Variants in SHISA9 observed in about 807,000 individuals in gnomAD.
SHISA9 encodes shisa family member 9.
A neutral mutation model predicts 38.0 loss-of-function variants in SHISA9; 13 were observed. The ratio of observed to expected loss-of-function variants is 0.34; its 90% CI spans 0.22 to 0.54. The LOEUF (loss-of-function observed/expected upper bound fraction) is 0.54, where lower values mean the gene tolerates loss of function less well. SHISA9 is among the 20% of genes least tolerant of loss of function. SHISA9 has a pLI of 0.91. For synonymous variants in SHISA9, 275 were observed against 242.0 expected (o/e 1.14, Z -1.27); for missense variants, 538 against 575.8 (o/e 0.93, Z 0.67).
chr16:13,124,438 G>C (rs2050239423), intron 2 of SHISA9, among the ~76,000 whole-genome samples: 1 of 152,168 alleles, frequency 6.6e-6, no homozygotes, highest in Admixed American at 6.5e-5. Flanking sequence ...GGACCTGTTA[G>C]AGTATGAAGC....
In SHISA9 at chr16:13,008,674, CCTCCCTCT is replaced by C. The variant is rs1567179973; in HGVS notation, c.691+91863_691+91870del. 3.5e-3 allele frequency among the ~76,000 whole-genome samples: 427 copies of C among 123,602 alleles called. 3 individuals are homozygous for C. Among genetic ancestry groups the C allele is most frequent in the East Asian group, 8.8e-3 (36 of 4,074 alleles). The allele number at this position is 123,602 out of a possible 152,430, so 81.1% of individuals were successfully genotyped here. On this transcript the variant is annotated intron_variant, in intron 2 of 4. Coordinates refer to ENST00000558583, the MANE Select transcript of SHISA9 (RefSeq NM_001145204.3). ...CCCTCCCTCCCTCCCTTCCTCCCTCCCTCCCTCTCTCTCTCTCTCTTTCCTGGCACCTT... is the reference window on the plus strand; with the variant it reads ...CCCTCCCTCCCTCCCTTCCTCCCTCCCTCTCTCTCTCTTTCCTGGCACCTT...
the SHISA9 span, among the ~76,000 whole-genome samples, chr16:13,388,017 C>G: frequency 6.6e-6 from 1 of 152,160 alleles, no homozygotes; most frequent in Non-Finnish European, 1.5e-5. Flanking sequence ...GAAGCCTCTT[C>G]TACAAGCCTT....
At chr16:13,172,989 A>G (rs1267231159) in intron 2 of SHISA9, among the ~76,000 whole-genome samples, 3 of 152,130 alleles carry the variant, frequency 2.0e-5, no homozygotes, top group Non-Finnish European at 4.4e-5. Flanking sequence ...CCAAGTAAAG[A>G]CCAGTGCATT....
the SHISA9 span, among the ~76,000 whole-genome samples, chr16:13,460,722 GT>G: frequency 1.3e-5 from 2 of 152,178 alleles, no homozygotes; most frequent in African/African-American, 4.8e-5. Context: ...GCAGCCCAAG[GT>G]TAGTGAGATT....
At chr16:13,530,888 G>A in the SHISA9 span, among the ~76,000 whole-genome samples, 7 of 152,154 alleles carry the variant, frequency 4.6e-5, no homozygotes, top group South Asian at 2.1e-4. Context: ...AAGAACAGGC[G>A]CTTGCTAGAG....
the SHISA9 span, among the ~76,000 whole-genome samples, chr16:13,446,080 C>A: frequency 1.8e-4 from 27 of 152,074 alleles, no homozygotes; most frequent in Middle Eastern, 6.8e-3. Context: ...GTAGCTGGGA[C>A]TACAGGTGCC....
intron 2 of SHISA9, among the ~76,000 whole-genome samples, chr16:13,063,071 A>G (rs2073394546): frequency 6.6e-6 from 1 of 151,838 alleles, no homozygotes; most frequent in Non-Finnish European, 1.5e-5. Flanking sequence ...CAGTGATGCG[A>G]TCTCAGCTCA....
chr16:12,959,180 A>G (rs2071875434), intron 2 of SHISA9, among the ~76,000 whole-genome samples: 1 of 152,230 alleles, frequency 6.6e-6, no homozygotes, highest in Non-Finnish European at 1.5e-5. Context: ...GTGCCTGGTT[A>G]ATCATAGATG....
At chr16:13,217,278 A>T (rs1299188916) in intron 4 of SHISA9, among the ~76,000 whole-genome samples, 1 of 152,036 alleles carries the variant, frequency 6.6e-6, no homozygotes, top group African/African-American at 2.4e-5. Context: ...ACTCCGTCTC[A>T]AAATAAATAA....
chr16:13,354,900 T>G, the SHISA9 span, among the ~76,000 whole-genome samples: 1 of 152,012 alleles, frequency 6.6e-6, no homozygotes, highest in Non-Finnish European at 1.5e-5. Context: ...AAATTTGGGC[T>G]TGATTGAAGT....
the SHISA9 span, among the ~76,000 whole-genome samples, chr16:13,252,339 TG>T: frequency 3.3e-5 from 5 of 152,242 alleles, no homozygotes; most frequent in African/African-American, 1.2e-4. Flanking sequence ...GACACATTTT[TG>T]GTTGTCATAA....
intron 2 of SHISA9, among the ~76,000 whole-genome samples, chr16:13,061,764 A>G (rs758013939): frequency 5.3e-5 from 8 of 152,210 alleles, no homozygotes; most frequent in Non-Finnish European, 5.9e-5. Context: ...TGTAGAAGAA[A>G]CAAACAAAAG....
the SHISA9 span, among the ~76,000 whole-genome samples, chr16:13,373,581 T>C: frequency 0.042 from 6,437 of 152,050 alleles, 297 homozygotes; most frequent in African/African-American, 0.11. Flanking sequence ...GCTAACATGG[T>C]GAAACTCCAT....
the SHISA9 span, among the ~76,000 whole-genome samples, chr16:13,292,838 T>C: frequency 1.3e-5 from 2 of 152,194 alleles, no homozygotes; most frequent in South Asian, 4.1e-4. Context: ...TTCTAAGACA[T>C]CCAGTTGAAT....
At chr16:13,523,461 TTTA>T in the SHISA9 span, among the ~76,000 whole-genome samples, 1,112 of 152,304 alleles carry the variant, frequency 7.3e-3, 17 homozygotes, top group African/African-American at 0.026. Context: ...GACTGGGTAA[TTTA>T]TAAGAAGAGA....
chr16:13,001,364 C>T (rs1313590728), intron 2 of SHISA9, among the ~76,000 whole-genome samples: 1 of 151,960 alleles, frequency 6.6e-6, no homozygotes, highest in African/African-American at 2.4e-5. Flanking sequence ...CCTGAGATTC[C>T]ACTGACTAAG....
At chr16:13,409,246 G>A in the SHISA9 span, among the ~76,000 whole-genome samples, 11 of 152,088 alleles carry the variant, frequency 7.2e-5, no homozygotes, top group Non-Finnish European at 1.0e-4. Context: ...CATCCATTCC[G>A]CTGACAGCCA....
At chr16:13,055,004 C>T (rs911200435) in intron 2 of SHISA9, among the ~76,000 whole-genome samples, 1 of 152,170 alleles carries the variant, frequency 6.6e-6, no homozygotes, top group South Asian at 2.1e-4. Context: ...AAGCAAACCC[C>T]TTTGTCCTAC....
At chr16:13,034,440 A>G (rs74012246) in intron 2 of SHISA9, among the ~76,000 whole-genome samples, 21,981 of 152,208 alleles carry the variant, frequency 0.14, 3,740 homozygotes, top group African/African-American at 0.41. Context: ...TTCTGAGATC[A>G]GGGAGAATTG....
Sources: gnomAD v4.1 joint callset for allele counts (sites outside exome capture counted in the v4.1 genomes callset) on GRCh38, gnomAD v4.1.1 for gene constraint, MANE v1.5 for transcripts, NCBI Gene and HGNC (gene_info 2026-07-23, HGNC 2026-07-21) for gene names.